Variants in KDM4C observed in about 807,000 individuals in gnomAD.
The protein encoded by KDM4C is lysine-specific demethylase 4C.
Under a neutral mutation model 129.3 loss-of-function variants are expected in KDM4C, and 81 were observed. That is an observed-to-expected ratio of 0.63 (90% CI 0.52 to 0.75). KDM4C has a LOEUF of 0.75. Ranked by LOEUF, KDM4C falls within the 30% of genes least tolerant of loss-of-function variation. KDM4C has a pLI of 0.00. For synonymous variants in KDM4C, 573 were observed against 456.1 expected, an observed-to-expected ratio of 1.26 and a Z score of -3.26; for missense variants, 1,457 against 1,304.0, an observed-to-expected ratio of 1.12 and a Z score of -1.81.
intron 5 of KDM4C, among the ~76,000 whole-genome samples, chr9:6,861,011 TA>T (rs1235603362): frequency 1.3e-5 from 2 of 152,316 alleles, no homozygotes; most frequent in African/African-American, 4.8e-5. Flanking sequence ...TAAGTTATTG[TA>T]AAAGCATTTC....
At chr9:7,127,775 A>AT in intron 18 of KDM4C, 1 of 232,724 alleles carries the variant, frequency 4.3e-6, no homozygotes, top group Non-Finnish European at 8.3e-6. Flanking sequence ...ACGTGTGTAT[A>AT]TATATACATA....
At chr9:7,068,910 T>C (rs1003546580) in intron 17 of KDM4C, among the ~76,000 whole-genome samples, 19 of 151,970 alleles carry the variant, frequency 1.3e-4, no homozygotes, top group African/African-American at 4.6e-4. Context: ...TTGGCCAGAC[T>C]GGTCTCGAAC....
intron 15 of KDM4C, among the ~76,000 whole-genome samples, chr9:7,025,295 C>T (rs1427503396): frequency 6.6e-6 from 1 of 151,984 alleles, no homozygotes; most frequent in Non-Finnish European, 1.5e-5. Flanking sequence ...ATAATTGGGT[C>T]TTGTTTTTTT....
intron 1 of KDM4C, among the ~76,000 whole-genome samples, chr9:6,746,042 G>A (rs1230792771): frequency 1.3e-5 from 2 of 151,970 alleles, no homozygotes; most frequent in Non-Finnish European, 2.9e-5. Context: ...CCAACCTCAG[G>A]TGATCCGCCT....
intron 15 of KDM4C, among the ~76,000 whole-genome samples, chr9:7,035,368 C>G (rs1440035922): frequency 7.2e-6 from 1 of 138,496 alleles, no homozygotes; most frequent in Non-Finnish European, 1.6e-5. Context: ...GTTTGAGTTC[C>G]TTGTGTATTC....
At chr9:7,017,767 A>G (rs1007397132) in intron 15 of KDM4C, among the ~76,000 whole-genome samples, 1 of 152,202 alleles carries the variant, frequency 6.6e-6, no homozygotes, top group African/African-American at 2.4e-5. Context: ...ACAGAGAATT[A>G]CACTTCCTTG....
In KDM4C at chr9:7,028,521, C is replaced by G. The variant is rs548645252; in HGVS notation, c.2259+12592C>G. ...CTCCTCAAGCAGAAGGAAGGGATCT[C>G]TTTAATTGAGCTCTGCTGCCTGAAA... On this transcript the variant is annotated intron_variant, in intron 15 of 21. Coordinates refer to ENST00000381309, the MANE Select transcript of KDM4C (RefSeq NM_015061.6). 2.1e-4 allele frequency among the ~76,000 whole-genome samples: 32 copies of G among 151,832 alleles called. 1 individual carries two copies. In the East Asian group the frequency reaches 5.9e-3, roughly 28 times the overall value.
At position 6,869,636 on chromosome 9, in the gene KDM4C, C is replaced by T. The variant is rs187810521; in HGVS notation, c.630-10376C>T. On this transcript the variant is annotated intron_variant, in intron 5 of 21. Transcript: ENST00000381309. ...GCTGACATTGCCCTTCAGAATTGCC[C>T]CAAATTCAGGCAAGATGGCCAAGCC... is the stretch of plus-strand genomic sequence containing the variant. Among the ~76,000 whole-genome samples, 13 of 152,304 alleles carry T rather than the reference C, an allele frequency of 8.5e-5. No homozygotes were observed. In the East Asian group the frequency reaches 1.5e-3, roughly 18 times the overall value.
Position 7,148,725 on chromosome 9 carries a change from C to G in KDM4C, c.2782-16513C>G, listed in dbSNP as rs186770963. 1.6e-3 allele frequency among the ~76,000 whole-genome samples: 251 copies of G among 152,294 alleles called. 1 individual carries two copies. Among genetic ancestry groups the G allele is most frequent in the Non-Finnish European group, 3.1e-3 (212 of 68,020 alleles). The stretch of plus-strand genomic sequence containing the variant: ...GACAGAGAAAGGCTTTATTGGATGA[C>G]CGAACACCTCTTAGTGGAGAGGAGA... On this transcript the variant is annotated intron_variant, in intron 19 of 21. Coordinates refer to ENST00000381309, the MANE Select transcript of KDM4C (RefSeq NM_015061.6).
intron 1 of KDM4C, among the ~76,000 whole-genome samples, chr9:6,768,305 C>T (rs1478840819): frequency 6.6e-6 from 1 of 151,398 alleles, no homozygotes; most frequent in Non-Finnish European, 1.5e-5. Flanking sequence ...GACAGATAGG[C>T]AGGCCCCAGC....
chr9:6,791,270 C>T (rs565352612), intron 1 of KDM4C, among the ~76,000 whole-genome samples: 1 of 152,270 alleles, frequency 6.6e-6, no homozygotes, highest in East Asian at 1.9e-4. Context: ...TGCCACCACG[C>T]CCGGCTAATT....
At chr9:7,133,276 G>A (rs1840837356) in intron 19 of KDM4C, among the ~76,000 whole-genome samples, 1 of 151,922 alleles carries the variant, frequency 6.6e-6, no homozygotes, top group Admixed American at 6.6e-5. Context: ...CTTGAAATTT[G>A]GAGTTAGAAG....
In KDM4C at chr9:7,075,011, A is replaced by G. The variant is rs73407410; in HGVS notation, c.2424+25811A>G. The stretch of plus-strand genomic sequence containing the variant: ...GAGAATGATGAACTCATTAATTTGT[A>G]TATGAAGAGCAATAAACAGAGTCTC... On this transcript the variant is annotated intron_variant, in intron 17 of 21. Coordinates refer to ENST00000381309, the MANE Select transcript of KDM4C (RefSeq NM_015061.6). Among the ~76,000 whole-genome samples, 1,392 of 152,264 alleles carry G rather than the reference A, an allele frequency of 9.1e-3. 20 individuals are homozygous for G. Among genetic ancestry groups the G allele is most frequent in the African/African-American group, 0.031 (1,303 of 41,536 alleles).
At chr9:7,094,609 C>G (rs1489353214) in intron 17 of KDM4C, among the ~76,000 whole-genome samples, 1 of 152,172 alleles carries the variant, frequency 6.6e-6, no homozygotes, top group African/African-American at 2.4e-5. Flanking sequence ...CTGGACTGGA[C>G]AGCCAGTGTC....
At chr9:6,723,099 T>A (rs934730653) in intron 1 of KDM4C, among the ~76,000 whole-genome samples, 1 of 152,042 alleles carries the variant, frequency 6.6e-6, no homozygotes, top group African/African-American at 2.4e-5. Context: ...GTTGTAAAAG[T>A]TTGTAGATGC....
intron 5 of KDM4C, among the ~76,000 whole-genome samples, chr9:6,850,599 T>C (rs151003612): frequency 6.6e-6 from 1 of 151,506 alleles, no homozygotes; most frequent in Non-Finnish European, 1.5e-5. Context: ...GCCCAGCTAA[T>C]TTTTTGTATT....
intron 2 of KDM4C, among the ~76,000 whole-genome samples, chr9:6,794,503 T>G (rs549453884): frequency 5.0e-4 from 76 of 152,324 alleles, no homozygotes; most frequent in African/African-American, 1.7e-3. Context: ...GCTGTTTGTT[T>G]CTTTCTTTTG....
chr9:6,927,783 T>C (rs145566823), intron 8 of KDM4C, among the ~76,000 whole-genome samples: 54 of 152,358 alleles, frequency 3.5e-4, no homozygotes, highest in Admixed American at 1.5e-3. Flanking sequence ...CTTAGACTTT[T>C]AGCATTGTGT....
chr9:6,796,400 C>G (rs1472304031), intron 2 of KDM4C, among the ~76,000 whole-genome samples: 3 of 152,120 alleles, frequency 2.0e-5, no homozygotes, highest in African/African-American at 4.8e-5. Flanking sequence ...TGGGGATAAC[C>G]ATCTCTTCTC....
Sources: gnomAD v4.1 joint callset for allele counts (sites outside exome capture counted in the v4.1 genomes callset) on GRCh38, gnomAD v4.1.1 for gene constraint, MANE v1.5 for transcripts, NCBI Gene and HGNC (gene_info 2026-07-23, HGNC 2026-07-21) for gene names.